ARHGAP32: variants seen among roughly 807,000 people sequenced by gnomAD.
The protein encoded by ARHGAP32 is Rho GTPase activating protein 32.
A neutral mutation model predicts 186.5 loss-of-function variants in ARHGAP32; 51 were observed. The observed-to-expected ratio is 0.27, with a 90% confidence interval of 0.22 to 0.35. ARHGAP32 has a LOEUF of 0.35. ARHGAP32 is among the 10% of genes least tolerant of loss of function. The probability of loss-of-function intolerance (pLI) is 1.00; values close to 1 mark genes in which losing one functional copy is unlikely to be tolerated. For synonymous variants in ARHGAP32, 950 were observed against 964.3 expected (o/e 0.99, Z 0.27); for missense variants, 2,186 against 2,623.5 (o/e 0.83, Z 3.64).
At chr11:129,048,202 G>A (rs745527564) in intron 10 of ARHGAP32, among the ~76,000 whole-genome samples, 10 of 151,982 alleles carry the variant, frequency 6.6e-5, no homozygotes, top group Non-Finnish European at 7.4e-5. Context: ...TCTTGCAGCC[G>A]GATATGCAGG....
intron 12 of ARHGAP32, among the ~76,000 whole-genome samples, chr11:128,990,352 C>A (rs1946012680): frequency 6.6e-6 from 1 of 152,136 alleles, no homozygotes; most frequent in Non-Finnish European, 1.5e-5. Context: ...AAGAGCAAAA[C>A]CATGCATCGT....
chr11:129,018,020 G>A (rs1056815775), intron 11 of ARHGAP32, among the ~76,000 whole-genome samples: 2 of 150,552 alleles, frequency 1.3e-5, no homozygotes, highest in Non-Finnish European at 2.9e-5. Flanking sequence ...TTCTGACTTT[G>A]TTTTTTATTA....
At chr11:129,267,930 T>A (rs1327023120) in intron 1 of ARHGAP32, among the ~76,000 whole-genome samples, 1 of 151,930 alleles carries the variant, frequency 6.6e-6, no homozygotes, top group East Asian at 1.9e-4. Flanking sequence ...TGTGGGGAAC[T>A]AACGGAGGGA....
rs749894523 is a variant in ARHGAP32 at position 128,972,554 on chromosome 11, G to A, written c.3952C>T (p.Arg1318Cys). 3.2e-6 allele frequency: 5 copies of A among 1,583,788 alleles called. No individual in the cohort carries two copies. The highest frequency in any genetic ancestry group is 1.3e-5 in the African/African-American group (1 of 74,352). ...TGGGAAGGCGGAGGGGGAAGGGGAC[G>A]ATTAGTTCTGTGCGTGCGCTGAAGT... is the stretch of plus-strand genomic sequence containing the variant. Reference protein sequence around the residue: ...ATLQRTHRTNRPLPPPPSQRS... With the variant: ...ATLQRTHRTNCPLPPPPSQRS... Residue 1318 changes from arginine (R) to cysteine (C), a missense_variant, in exon 22 of 23, where the codon CGT becomes TGT. This residue lies in a region of ARHGAP32 where 1,502 missense variants were observed against 1,570.0 expected (regional missense o/e 0.96). Coordinates refer to ENST00000682385, the MANE Select transcript of ARHGAP32 (RefSeq NM_001378024.1).
chr11:129,036,380 C>CAAAAAAAAAAA (rs58678377), intron 11 of ARHGAP32, among the ~76,000 whole-genome samples: 1 of 98,696 alleles, frequency 1.0e-5, no homozygotes, highest in African/African-American at 4.5e-5. Context: ...AACTCCGTCT[C>CAAAAAAAAAAA]AAAAAAAAAA....
intron 11 of ARHGAP32, among the ~76,000 whole-genome samples, chr11:129,021,733 A>G (rs1938601845): frequency 6.6e-6 from 1 of 152,112 alleles, no homozygotes; most frequent in Non-Finnish European, 1.5e-5. Context: ...TAAATTACAA[A>G]TTTAAAATAA....
intron 15 of ARHGAP32, among the ~76,000 whole-genome samples, chr11:128,984,492 C>T (rs1201044159): frequency 6.6e-6 from 1 of 151,900 alleles, no homozygotes; most frequent in Non-Finnish European, 1.5e-5. Context: ...TGGAAAATTA[C>T]GCTTTTCAAG....
At chr11:129,091,735 G>A (rs1337836241) in intron 6 of ARHGAP32, among the ~76,000 whole-genome samples, 1 of 151,988 alleles carries the variant, frequency 6.6e-6, no homozygotes, top group Non-Finnish European at 1.5e-5. Context: ...CACAGAAAAA[G>A]GTGGCAGTCA....
chr11:129,111,554 G>A (rs969427375), intron 5 of ARHGAP32, among the ~76,000 whole-genome samples: 1 of 152,038 alleles, frequency 6.6e-6, no homozygotes, highest in African/African-American at 2.4e-5. Flanking sequence ...AAGACTTTTT[G>A]TTACTAATTC....
intron 1 of ARHGAP32, among the ~76,000 whole-genome samples, chr11:129,258,844 T>C (rs1019509288): frequency 3.2e-5 from 4 of 125,228 alleles, no homozygotes; most frequent in East Asian, 4.8e-4. Flanking sequence ...GGAAAGTTAA[T>C]AGTCAACCAC....
chr11:129,125,011 T>G, intron 2 of ARHGAP32, 117 bp from the exon 3 acceptor site: 1 of 583,090 alleles, frequency 1.7e-6, no homozygotes, highest in Non-Finnish European at 2.8e-6. Context: ...AAATATATCT[T>G]GGTTTAATAA....
At chr11:129,199,250 A>G (rs1429865056) in intron 1 of ARHGAP32, among the ~76,000 whole-genome samples, 1 of 152,260 alleles carries the variant, frequency 6.6e-6, no homozygotes, top group Non-Finnish European at 1.5e-5. Context: ...GGAGAAAGTC[A>G]AATCAGCTGC....
chr11:128,973,412 G>A lies in ARHGAP32; in HGVS notation c.3094C>T (p.Pro1032Ser), dbSNP rs200876570. ...GAACTGACAGGAACGGAATCCTGAG[G>A]GGGGTCATGGGTAACTGCTCCTAGT... ...TQTGAVTHDP[P>S]QDSVPVSSVS... Residue 1032 changes from proline to serine, a missense_variant, in exon 22 of 23, where the codon CCT becomes TCT. Pro to Ser is a moderately conservative substitution (Grantham distance 74). Coordinates refer to ENST00000682385, the MANE Select transcript of ARHGAP32 (RefSeq NM_001378024.1). 6.2e-7 allele frequency: 1 copy of A among 1,613,610 alleles called. No homozygotes were observed.
At chr11:129,104,780 A>G (rs968629460) in intron 5 of ARHGAP32, among the ~76,000 whole-genome samples, 1 of 152,158 alleles carries the variant, frequency 6.6e-6, no homozygotes. Flanking sequence ...AAAAACAAGC[A>G]CAATCTCTCA....
chr11:129,165,567 T>A (rs1943620022), intron 1 of ARHGAP32, among the ~76,000 whole-genome samples: 1 of 147,278 alleles, frequency 6.8e-6, no homozygotes, highest in South Asian at 2.3e-4. Context: ...TAGTATCCAG[T>A]AAATATTATG....
rs537963441 is a variant in ARHGAP32, at chr11:128,972,632, C to G, written c.3874G>C (p.Ala1292Pro). ...GGTTGTTCAGCCACATCCCAGCTGGCTTCCTTGGTGCTCATTTGGGCTGTT... is the reference window on the plus strand; with the variant it reads ...GGTTGTTCAGCCACATCCCAGCTGGGTTCCTTGGTGCTCATTTGGGCTGTT... The part of the protein sequence containing the change: ...PATAQMSTKE[A>P]SWDVAEQPTT... The change falls in exon 22 of 23, where the codon GCC (alanine) becomes CCC (proline). Residue 1292 changes from alanine to proline, a missense_variant. Transcript: ENST00000682385. 1.2e-5 allele frequency: 19 copies of G among 1,612,202 alleles called. No individual in the cohort carries two copies. The East Asian group carries it at 4.0e-4, about 34-fold the overall frequency.
chr11:128,969,887 G>A lies in ARHGAP32; in HGVS notation c.5326C>T (p.Arg1776Trp), dbSNP rs747342727. ...MQSIRRESRA[R>W]QKVKGPVMSQ... ...ATGACAGGCCCTTTCACCTTCTGCC[G>A]AGCACGGCTCTCTCTCCGGATGGAC... Residue 1776 changes from arginine to tryptophan, a missense_variant, in exon 23 of 23, where the codon CGG (arginine) becomes TGG (tryptophan). Physicochemically the swap from Arg to Trp is moderately radical, Grantham distance 101 (BLOSUM62 -3). This residue lies in a region of ARHGAP32 where 1,502 missense variants were observed against 1,570.0 expected (regional missense o/e 0.96). Transcript: ENST00000682385. This position sits in a 1 kb window ranked among gnomAD's most constrained non-coding sequence, Gnocchi z 4.8. 5.0e-6 allele frequency: 8 copies of A among 1,614,166 alleles called. No homozygotes were observed. Among genetic ancestry groups the A allele is most frequent in the Middle Eastern group, 1.6e-4 (1 of 6,062 alleles).
intron 1 of ARHGAP32, among the ~76,000 whole-genome samples, chr11:129,214,335 G>A (rs1405526532): frequency 1.3e-5 from 2 of 152,120 alleles, no homozygotes; most frequent in East Asian, 1.9e-4. Flanking sequence ...TAACAGTAGG[G>A]GAAATTGGAT....
intron 5 of ARHGAP32, among the ~76,000 whole-genome samples, chr11:129,096,002 C>A (rs1941718670): frequency 6.6e-6 from 1 of 152,188 alleles, no homozygotes; most frequent in South Asian, 2.1e-4. Flanking sequence ...CAGATCTTAT[C>A]AAATACAGAT....
Sources: gnomAD v4.1 joint callset for allele counts (sites outside exome capture counted in the v4.1 genomes callset) on GRCh38, gnomAD v4.1.1 for gene constraint, gnomAD v4.1.1 regional missense constraint, Gnocchi (gnomAD v3.1) non-coding constraint, MANE v1.5 for transcripts, NCBI Gene and HGNC (gene_info 2026-07-23, HGNC 2026-07-21) for gene names.